The following SYT7 variants were observed in gnomAD, a reference collection of about 807,000 sequenced individuals.
The protein encoded by SYT7 is synaptotagmin 7.
A neutral mutation model predicts 75.1 loss-of-function variants in SYT7; 29 were observed. The ratio of observed to expected loss-of-function variants is 0.39; its 90% CI spans 0.29 to 0.53. The LOEUF (loss-of-function observed/expected upper bound fraction) is 0.53. Among genes scored for constraint, SYT7 ranks in the 20% least tolerant of loss-of-function variants. The pLI is 0.77. For synonymous variants in SYT7, 376 were observed against 401.7 expected, an observed-to-expected ratio of 0.94 and a Z score of 0.76; for missense variants, 693 against 953.2, an observed-to-expected ratio of 0.73 and a Z score of 3.59.
intron 12 of SYT7, among the ~76,000 whole-genome samples, chr11:61,519,961 C>T (rs1295323563): frequency 6.6e-6 from 1 of 152,100 alleles, no homozygotes; most frequent in Non-Finnish European, 1.5e-5. Context: ...GCTGGGATTA[C>T]AGGCGCCCGC....
chr11:61,546,008 A>G lies in SYT7; in HGVS notation c.572+23T>C. On this transcript the variant is annotated intron_variant, in intron 5 of 12. Transcript: ENST00000539008. The surrounding 1 kb of genome is among the most constrained non-coding windows in gnomAD (Gnocchi z 7.6). ...GCAGGCCTGAGCTCATGGCTCCGGC[A>G]GCCATGGGGCGCCATCACTCACTTG... is the stretch of plus-strand genomic sequence containing the variant. 1 of 1,527,862 alleles carries G rather than the reference A, an allele frequency of 6.5e-7. No individual in the cohort carries two copies. The highest frequency in any genetic ancestry group is 1.4e-5 in the African/African-American group (1 of 72,318). The allele number at this position is 1,527,862 out of a possible 1,614,324, so 94.6% of individuals were successfully genotyped here.
rs563561645 is a variant in SYT7, at chr11:61,538,216, T to C, written c.992A>G (p.Asp331Gly). The C allele has an allele frequency of 3.0e-4, 457 of 1,535,994 alleles. No individual in the cohort carries two copies. The highest frequency in any genetic ancestry group is 3.7e-4 in the Non-Finnish European group (427 of 1,146,858). ...CAGGTCAGGGATATTGGCAAAGTCATCCTGTTCCGAAAGCCCTAAGACCAA... is the reference window on the plus strand; with the variant it reads ...CAGGTCAGGGATATTGGCAAAGTCACCCTGTTCCGAAAGCCCTAAGACCAA... ...LSLVLGLSEQ[D>G]DFANIPDLQN... The change falls in exon 7 of 13, where the codon GAT becomes GGT. Residue 331 changes from aspartate (D) to glycine (G), a missense_variant. Physicochemically the swap from Asp to Gly is moderately conservative, Grantham distance 94. This residue lies in a region of SYT7 where 487 missense variants were observed against 593.2 expected (regional missense o/e 0.82). Coordinates refer to ENST00000539008, the MANE Select transcript of SYT7 (RefSeq NM_001365809.2).
At chr11:61,559,466 T>C (rs1468585249) in intron 1 of SYT7, among the ~76,000 whole-genome samples, 2 of 152,020 alleles carry the variant, frequency 1.3e-5, no homozygotes, top group Non-Finnish European at 2.9e-5. Context: ...GCTGAGGGGT[T>C]TGTTTTGTTC....
At position 61,546,163 on chromosome 11, in the gene SYT7, G is replaced by A. The variant is rs767182139; in HGVS notation, c.440C>T (p.Pro147Leu). The change falls in exon 5 of 13, where the codon CCG (proline) becomes CTG (leucine). Residue 147 changes from proline (P) to leucine (L), a missense_variant. Pro to Leu is a moderately conservative substitution (Grantham distance 98). Coordinates refer to ENST00000539008, the MANE Select transcript of SYT7 (RefSeq NM_001365809.2). The surrounding 1 kb of genome is among the most constrained non-coding windows in gnomAD (Gnocchi z 7.6). ...TCTCAAGGCGTCCTCTCCGGGTGGC[G>A]GCACCGGTGCCGGCTTCTCCCCCAG... ...GRLGEKPAPV[P>L]PPGEDALRSG... 66 of 1,525,050 alleles carry A rather than the reference G, an allele frequency of 4.3e-5. No individual in the cohort carries two copies. Among genetic ancestry groups the A allele is most frequent in the South Asian group, 4.8e-5 (4 of 83,136 alleles). The allele number at this position is 1,525,050 out of a possible 1,614,324, so 94.5% of individuals were successfully genotyped here.
At chr11:61,527,327 C>G (rs1479256154) in intron 9 of SYT7, among the ~76,000 whole-genome samples, 1 of 152,190 alleles carries the variant, frequency 6.6e-6, no homozygotes, top group Non-Finnish European at 1.5e-5. Context: ...ATTTATTGAA[C>G]CCTCGCTGTT....
intron 5 of SYT7, among the ~76,000 whole-genome samples, chr11:61,544,010 C>A (rs1031712581): frequency 2.6e-5 from 4 of 152,214 alleles, no homozygotes; most frequent in African/African-American, 9.7e-5. Context: ...TGCTGCTTGT[C>A]TCTGTAAATA....
intron 5 of SYT7, among the ~76,000 whole-genome samples, chr11:61,543,524 C>T (rs759313510): frequency 1.1e-4 from 17 of 152,178 alleles, no homozygotes; most frequent in Non-Finnish European, 2.4e-4. Flanking sequence ...TGGGTTCAAA[C>T]CCCACCTCTG....
Position 61,517,513 on chromosome 11 carries a change from A to G in SYT7, c.*1114T>C, listed in dbSNP as rs576409707. ...CGGAATGAATGGAAGGTCTACAAGCATTGGGGGATGGAGGGGTGGAGGAAA... is the reference window on the plus strand; with the variant it reads ...CGGAATGAATGGAAGGTCTACAAGCGTTGGGGGATGGAGGGGTGGAGGAAA... On this transcript the variant is annotated 3_prime_UTR_variant, in exon 13 of 13. Coordinates refer to ENST00000539008, the MANE Select transcript of SYT7 (RefSeq NM_001365809.2). The G allele has an allele frequency of 1.3e-4, 50 of 399,338 alleles. No individual in the cohort carries two copies. The highest frequency in any genetic ancestry group is 6.3e-4 in the Middle Eastern group (1 of 1,594). The allele number at this position is 399,338 out of a possible 1,614,324, so 24.7% of individuals were successfully genotyped here.
chr11:61,515,231 C>T lies in SYT7; in HGVS notation c.*3396G>A. The T allele has an allele frequency of 6.6e-6, 1 of 152,340 alleles. No homozygotes were observed. The highest frequency in any genetic ancestry group is 1.5e-5 in the Non-Finnish European group (1 of 68,042). The allele number at this position is 152,340 out of a possible 1,614,324, so 9.4% of individuals were successfully genotyped here. ...ACTGAGGGGAGGCTCAGCCCCGGGG[C>T]CCCCATCCCCTTCACCCCACTGCCT... is the stretch of plus-strand genomic sequence containing the variant. On this transcript the variant is annotated 3_prime_UTR_variant, in exon 13 of 13. Coordinates refer to ENST00000539008, the MANE Select transcript of SYT7 (RefSeq NM_001365809.2).
intron 1 of SYT7, among the ~76,000 whole-genome samples, chr11:61,568,508 G>C (rs1427031009): frequency 6.6e-6 from 1 of 152,180 alleles, no homozygotes; most frequent in Admixed American, 6.5e-5. Flanking sequence ...CCCCAGGAGG[G>C]AGCATCATGC....
chr11:61,571,883 C>T (rs760829033), intron 1 of SYT7, among the ~76,000 whole-genome samples: 14 of 152,294 alleles, frequency 9.2e-5, no homozygotes, highest in Non-Finnish European at 1.8e-4. Flanking sequence ...GATGGGGACC[C>T]TGGGGACAGA....
In SYT7 at chr11:61,517,974, C is replaced by T. The variant is rs569057549; in HGVS notation, c.*653G>A. The stretch of plus-strand genomic sequence containing the variant: ...CTATGGGCCTCTCCTCTCACACCCC[C>T]GGCCTCCAACCCTGCCTGGCCTTCA... On this transcript the variant is annotated 3_prime_UTR_variant, in exon 13 of 13. Coordinates refer to ENST00000539008, the MANE Select transcript of SYT7 (RefSeq NM_001365809.2). The T allele has an allele frequency of 3.3e-5, 6 of 180,524 alleles. No individual in the cohort carries two copies. Among genetic ancestry groups the T allele is most frequent in the African/African-American group, 7.0e-5 (3 of 42,702 alleles). The allele number at this position is 180,524 out of a possible 1,614,324, so 11.2% of individuals were successfully genotyped here. A position where few individuals can be genotyped will look rare whatever the true frequency, so the allele number is the denominator to read the frequency against.
intron 1 of SYT7, among the ~76,000 whole-genome samples, chr11:61,574,734 C>G (rs369369268): frequency 6.6e-6 from 1 of 152,010 alleles, no homozygotes; most frequent in Non-Finnish European, 1.5e-5. Flanking sequence ...GGGGCCCTCC[C>G]GGGCCCAGGC....
Position 61,523,707 on chromosome 11 carries a change from G to T in SYT7, c.1756+120C>A. The T allele has an allele frequency of 9.5e-7, 1 of 1,049,706 alleles. No homozygotes were observed. Among genetic ancestry groups the T allele is most frequent in the Non-Finnish European group, 1.4e-6 (1 of 694,748 alleles). 65.0% of individuals were successfully genotyped at this position (1,049,706 alleles called of 1,614,324 possible). ...CTAGGGTAAGGAGTGAGGACTGGAGGTCGGGGTGTGGCGGGTTGGGGTGAG... is the reference window on the plus strand; with the variant it reads ...CTAGGGTAAGGAGTGAGGACTGGAGTTCGGGGTGTGGCGGGTTGGGGTGAG... On this transcript the variant is annotated intron_variant, in intron 11 of 12. Coordinates refer to ENST00000539008, the MANE Select transcript of SYT7 (RefSeq NM_001365809.2). The surrounding 1 kb of genome is among the most constrained non-coding windows in gnomAD (Gnocchi z 5.0).
In SYT7 at chr11:61,542,682, G is replaced by T; in HGVS notation, c.573-103C>A. ...CAGGACTAGGAGGCCCCAGTGCAGG[G>T]TGCGCGCTGCCGGACCTCGCCAGGC... On this transcript the variant is annotated intron_variant, in intron 5 of 12. Transcript: ENST00000539008. This position sits in a 1 kb window ranked among gnomAD's most constrained non-coding sequence, Gnocchi z 7.8. 1.4e-6 allele frequency: 2 copies of T among 1,399,426 alleles called. No homozygotes were observed. The highest frequency in any genetic ancestry group is 1.8e-6 in the Non-Finnish European group (2 of 1,083,250). 86.7% of individuals were successfully genotyped at this position (1,399,426 alleles called of 1,614,324 possible).
rs556324808 is a variant in SYT7 at position 61,544,647 on chromosome 11, T to C, written c.572+1384A>G. Among the ~76,000 whole-genome samples, 352 of 152,252 alleles carry C rather than the reference T, an allele frequency of 2.3e-3. 1 individual carries two copies. Among genetic ancestry groups the C allele is most frequent in the African/African-American group, 8.2e-3 (339 of 41,546 alleles). ...GGTTTCCTATCACATCCAAAATTAGTCCAATTTACAACCTCTCAGTCACAG... is the reference window on the plus strand; with the variant it reads ...GGTTTCCTATCACATCCAAAATTAGCCCAATTTACAACCTCTCAGTCACAG... On this transcript the variant is annotated intron_variant, in intron 5 of 12. Coordinates refer to ENST00000539008, the MANE Select transcript of SYT7 (RefSeq NM_001365809.2).
At chr11:61,526,255 C>T (rs943734018) in intron 9 of SYT7, 2 of 152,162 alleles carry the variant, frequency 1.3e-5, no homozygotes, top group African/African-American at 4.8e-5. Flanking sequence ...CAGAGCCTCC[C>T]AGGGACCTTG....
chr11:61,523,320 A>G lies in SYT7; in HGVS notation c.1757-46T>C, dbSNP rs2062408663. The stretch of plus-strand genomic sequence containing the variant: ...GGGTTAGAGGGACCGTGGGGGAGGG[A>G]CTTCCTAGGATCCTTTTCCCCTTCC... On this transcript the variant is annotated intron_variant, in intron 11 of 12. Coordinates refer to ENST00000539008, the MANE Select transcript of SYT7 (RefSeq NM_001365809.2). The surrounding 1 kb of genome is among the most constrained non-coding windows in gnomAD (Gnocchi z 5.0). 1 of 1,565,210 alleles carries G rather than the reference A, an allele frequency of 6.4e-7. No homozygotes were observed. The highest frequency in any genetic ancestry group is 1.7e-5 in the Admixed American group (1 of 59,766).
chr11:61,567,797 C>T (rs1319571307), intron 1 of SYT7, among the ~76,000 whole-genome samples: 2 of 152,176 alleles, frequency 1.3e-5, no homozygotes, highest in Admixed American at 6.5e-5. Flanking sequence ...GACGGTTCTC[C>T]GGCCCCCGCC....
Sources: allele counts gnomAD v4.1 joint callset (sites outside exome capture counted in the v4.1 genomes callset), GRCh38; gene constraint gnomAD v4.1.1; regional missense constraint gnomAD v4.1.1; non-coding constraint Gnocchi (gnomAD v3.1); transcripts MANE v1.5; gene names NCBI Gene and HGNC (gene_info 2026-07-23, HGNC 2026-07-21).